LRRC37A: variants seen among roughly 807,000 people sequenced by gnomAD.
LRRC37A encodes leucine rich repeat containing 37A, also known as leucine-rich repeat-containing protein 37A.
LRRC37A carries 3 observed loss-of-function variants against 35.4 expected under a neutral mutation model. The observed-to-expected ratio is 0.08, with a 90% CI of 0.04 to 0.22. The LOEUF is 0.22. Among genes scored for constraint, LRRC37A ranks in the 10% least tolerant of loss-of-function variants. The pLI is 1.00. For missense variants in LRRC37A, 67 were observed against 565.3 expected (o/e 0.12, Z 8.94); for synonymous variants, 23 against 215.0 (o/e 0.11, Z 7.81).
rs1252909168 is a variant in LRRC37A at position 46,308,235 on chromosome 17, C to T, written c.2906+1926C>T. On this transcript the variant is annotated intron_variant, in intron 5 of 13. Coordinates refer to ENST00000320254, the Ensembl canonical transcript of LRRC37A. Reference sequence around the variant, plus strand: ...GACACACCAAGATGAGGACTTTGTCCCCAGGGGACTTTCATTCCTCAAGGA... The same window carrying T: ...GACACACCAAGATGAGGACTTTGTCTCCAGGGGACTTTCATTCCTCAAGGA... Among the ~76,000 whole-genome samples the T allele has an allele frequency of 5.9e-5, 2 of 34,054 alleles. 1 individual carries two copies. The highest frequency in any genetic ancestry group is 1.4e-4 in the African/African-American group (2 of 14,704). The allele number at this position is 34,054 out of a possible 152,430, so 22.3% of individuals were successfully genotyped here. A position where few individuals can be genotyped will look rare whatever the true frequency, so the allele number is the denominator to read the frequency against.
the LRRC37A span, chr17:46,260,251 C>T: frequency 5.2e-6 from 8 of 1,528,674 alleles, no homozygotes; most frequent in African/African-American, 6.9e-5. Flanking sequence ...GCAGGACGGC[C>T]GCAGCGGGTG....
chr17:46,300,152 C>T (rs1264044867), intron 2 of LRRC37A, among the ~76,000 whole-genome samples: 5 of 58,076 alleles, frequency 8.6e-5, no homozygotes, highest in African/African-American at 2.1e-4. Context: ...CTTACTTTGT[C>T]CTCTGGGCTG....
the LRRC37A span, among the ~76,000 whole-genome samples, chr17:46,276,790 C>CTTTTTTTTTTTTTTTTTTG: frequency 7.4e-6 from 1 of 134,322 alleles, no homozygotes; most frequent in Non-Finnish European, 1.6e-5. Context: ...TTCTTTTTTT[C>CTTTTTTTTTTTTTTTTTTG]TTTTTTTTTT....
At chr17:46,282,259 C>A in the LRRC37A span, among the ~76,000 whole-genome samples, 1 of 151,292 alleles carries the variant, frequency 6.6e-6, no homozygotes, top group African/African-American at 2.4e-5. Context: ...TCTGCCACCA[C>A]GCCCGCCTAA....
chr17:46,278,408 T>TTG, the LRRC37A span, among the ~76,000 whole-genome samples: 2,359 of 147,102 alleles, frequency 0.016, 45 homozygotes, highest in East Asian at 0.058. Flanking sequence ...TTTGTTTTTT[T>TTG]TTTGTTGTTG....
the LRRC37A span, among the ~76,000 whole-genome samples, chr17:46,250,573 G>A: frequency 6.6e-6 from 1 of 152,230 alleles, no homozygotes; most frequent in Non-Finnish European, 1.5e-5. Flanking sequence ...CGTGCTGGAT[G>A]CTTCTTACCC....
the LRRC37A span, among the ~76,000 whole-genome samples, chr17:46,276,518 C>T: frequency 2.6e-5 from 4 of 151,992 alleles, no homozygotes; most frequent in Admixed American, 6.6e-5. Flanking sequence ...TATCACAATC[C>T]GTAAGAAAAG....
At chr17:46,272,691 C>CA in the LRRC37A span, among the ~76,000 whole-genome samples, 1 of 152,240 alleles carries the variant, frequency 6.6e-6, no homozygotes, top group Non-Finnish European at 1.5e-5. Context: ...GCTGGGGTTA[C>CA]AGGCGTGGGC....
chr17:46,272,336 T>G, the LRRC37A span, among the ~76,000 whole-genome samples: 3 of 152,254 alleles, frequency 2.0e-5, no homozygotes, highest in African/African-American at 7.2e-5. Context: ...TAGATCTTAA[T>G]AGCAGAAGCT....
intron 3 of LRRC37A, among the ~76,000 whole-genome samples, chr17:46,305,009 C>T (rs2050480215): frequency 1.2e-5 from 1 of 84,952 alleles, no homozygotes; most frequent in Non-Finnish European, 2.9e-5. Context: ...GCTAGGACTA[C>T]AGGCACGTGC....
chr17:46,286,315 A>G, the LRRC37A span, among the ~76,000 whole-genome samples: 1 of 152,266 alleles, frequency 6.6e-6, no homozygotes, highest in Non-Finnish European at 1.5e-5. Flanking sequence ...TTGGAGAACC[A>G]ATTTAAAGAT....
At chr17:46,283,641 T>G in the LRRC37A span, among the ~76,000 whole-genome samples, 20,268 of 151,934 alleles carry the variant, frequency 0.13, 456 homozygotes, top group Non-Finnish European at 0.2. Flanking sequence ...CCTCCACACC[T>G]GTGGGTGTTT....
chr17:46,276,164 T>G, the LRRC37A span, among the ~76,000 whole-genome samples: 1 of 152,256 alleles, frequency 6.6e-6, no homozygotes, highest in Non-Finnish European at 1.5e-5. Flanking sequence ...GTGCTGGGAT[T>G]ACAAGTGTGA....
the LRRC37A span, among the ~76,000 whole-genome samples, chr17:46,255,352 C>T: frequency 4.0e-5 from 6 of 150,766 alleles, no homozygotes; most frequent in Admixed American, 4.0e-4. Context: ...TGTTTGCATC[C>T]TCCCCAAATT....
chr17:46,262,410 G>A, the LRRC37A span, among the ~76,000 whole-genome samples: 1 of 151,272 alleles, frequency 6.6e-6, no homozygotes, highest in Non-Finnish European at 1.5e-5. Flanking sequence ...ATGGGATTTT[G>A]CCATGTTGCT....
At chr17:46,286,036 T>C in the LRRC37A span, among the ~76,000 whole-genome samples, 1 of 152,228 alleles carries the variant, frequency 6.6e-6, no homozygotes, top group Non-Finnish European at 1.5e-5. Context: ...CTCTGCAAGA[T>C]GCCAATGCAG....
chr17:46,249,253 A>G, the LRRC37A span, among the ~76,000 whole-genome samples: 22,053 of 151,720 alleles, frequency 0.15, 2,221 homozygotes, highest in Non-Finnish European at 0.22. Flanking sequence ...AATTAGCCAG[A>G]TGTGGTGGCA....
chr17:46,276,715 A>C, the LRRC37A span, among the ~76,000 whole-genome samples: 3 of 152,216 alleles, frequency 2.0e-5, no homozygotes, highest in African/African-American at 4.8e-5. Flanking sequence ...TCTGGAAAGC[A>C]ATAGAAATTC....
the LRRC37A span, chr17:46,259,818 T>C: frequency 7.1e-6 from 11 of 1,560,000 alleles, no homozygotes; most frequent in Admixed American, 1.4e-4. Context: ...GCTTCATTCG[T>C]TGGCACAGCA....
Sources: allele counts gnomAD v4.1 joint callset (sites outside exome capture counted in the v4.1 genomes callset), GRCh38; gene constraint gnomAD v4.1.1; transcripts MANE v1.5; gene names NCBI Gene and HGNC (gene_info 2026-07-23, HGNC 2026-07-21).